ARHGAP11B: variants seen among roughly 807,000 people sequenced by gnomAD.
ARHGAP11B encodes Rho GTPase activating protein 11B, also known as inactive Rho GTPase-activating protein 11B.
A neutral mutation model predicts 27.6 loss-of-function variants in ARHGAP11B; 14 were observed. That is an observed-to-expected ratio of 0.51 (90% confidence interval 0.34 to 0.79). The LOEUF (loss-of-function observed/expected upper bound fraction) is 0.79, where lower values mean the gene tolerates loss of function less well. Ranked by LOEUF, ARHGAP11B falls within the 30% of genes least tolerant of loss-of-function variation. ARHGAP11B has a pLI of 0.02. For missense variants in ARHGAP11B, 245 were observed against 320.1 expected, an observed-to-expected ratio of 0.77 and a Z score of 1.79; for synonymous variants, 82 against 114.1, an observed-to-expected ratio of 0.72 and a Z score of 1.80.
intron 1 of ARHGAP11B, among the ~76,000 whole-genome samples, chr15:30,627,706 A>G (rs954717593): frequency 2.6e-5 from 4 of 152,056 alleles, no homozygotes; most frequent in Admixed American, 2.6e-4. Flanking sequence ...ATTGTGAAAA[A>G]TAAGCTGAAT....
chr15:30,633,480 T>C lies in ARHGAP11B; in HGVS notation c.201-10T>C. On this transcript the variant is annotated splice_polypyrimidine_tract_variant and intron_variant, in intron 2 of 10. Coordinates refer to ENST00000428041, the Ensembl canonical transcript of ARHGAP11B. ...GTATGTCTAGCCACCTGAAAAAATC[T>C]CTCTTTCAGCTTTCTTGTCGATGCT... 2 of 1,606,682 alleles carry C rather than the reference T, an allele frequency of 1.2e-6. No homozygotes were observed. Among genetic ancestry groups the C allele is most frequent in the Non-Finnish European group, 8.5e-7 (1 of 1,176,606 alleles).
chr15:30,643,994 G>C (rs2060330258), intron 7 of ARHGAP11B, among the ~76,000 whole-genome samples: 1 of 151,848 alleles, frequency 6.6e-6, no homozygotes, highest in Non-Finnish European at 1.5e-5. Context: ...TCCTTGAATG[G>C]AGTCTTCTCT....
chr15:30,630,145 G>C (rs560618939), intron 1 of ARHGAP11B, among the ~76,000 whole-genome samples: 2 of 152,084 alleles, frequency 1.3e-5, no homozygotes, highest in African/African-American at 4.8e-5. Context: ...CGCAGGGCAT[G>C]GTTTGAAAAG....
chr15:30,626,325 C>T (rs992118872), exon 1 of ARHGAP11B: 2 of 153,156 alleles, frequency 1.3e-5, no homozygotes, highest in African/African-American at 2.4e-5. Context: ...CCTGAGCAGC[C>T]GGCTGGTCCG....
intron 8 of ARHGAP11B, among the ~76,000 whole-genome samples, chr15:30,645,957 A>C (rs1318069572): frequency 6.6e-6 from 1 of 152,094 alleles, no homozygotes; most frequent in African/African-American, 2.4e-5. Flanking sequence ...TAGAAGGACA[A>C]ATAGAAGTAG....
chr15:30,641,063 C>T (rs1442576204), intron 7 of ARHGAP11B, among the ~76,000 whole-genome samples: 4 of 151,990 alleles, frequency 2.6e-5, no homozygotes, highest in Non-Finnish European at 5.9e-5. Flanking sequence ...GCTCCCAAAA[C>T]AGAGGTTAAA....
intron 2 of ARHGAP11B, among the ~76,000 whole-genome samples, chr15:30,632,600 C>G (rs2060253086): frequency 6.6e-6 from 1 of 151,342 alleles, no homozygotes; most frequent in South Asian, 2.1e-4. Flanking sequence ...ACCAATACAG[C>G]TGTATCAATT....
chr15:30,649,063 C>T (rs2060370080), exon 11 of ARHGAP11B: 1 of 152,036 alleles, frequency 6.6e-6, no homozygotes, highest in Non-Finnish European at 1.5e-5. Flanking sequence ...AACAGACATT[C>T]CAAATCATTT....
chr15:30,644,528 TAC>T, intron 7 of ARHGAP11B: 1 of 612,632 alleles, frequency 1.6e-6, no homozygotes, highest in African/African-American at 1.8e-5. Context: ...TAACAAATTT[TAC>T]ACATTCTTTT....
At chr15:30,637,737 A>C (rs2060289669) in intron 6 of ARHGAP11B, among the ~76,000 whole-genome samples, 4 of 151,838 alleles carry the variant, frequency 2.6e-5, no homozygotes, top group Admixed American at 6.6e-5. Context: ...CCGTCTCAAA[A>C]ATAAAAATTA....
chr15:30,636,879 A>T lies in ARHGAP11B; in HGVS notation c.*3+1246A>T, dbSNP rs2060283066. 1.3e-5 allele frequency among the ~76,000 whole-genome samples: 2 copies of T among 151,916 alleles called. 1 individual carries two copies. Among genetic ancestry groups the T allele is most frequent in the Non-Finnish European group, 2.9e-5 (2 of 67,956 alleles). On this transcript the variant is annotated intron_variant, in intron 6 of 10. Coordinates refer to ENST00000428041, the Ensembl canonical transcript of ARHGAP11B. ...ACTTCCCTCTTACAGGGCACATTGG[A>T]TTAGGGCCCACCCAAATGACCTCAT...
exon 5 of ARHGAP11B, chr15:30,635,122 A>C: frequency 6.2e-7 from 1 of 1,613,554 alleles, no homozygotes; most frequent in South Asian, 1.1e-5. Context: ...TTGCAGTAAT[A>C]TTTGCACCAA....
intron 3 of ARHGAP11B, 38 bp downstream of exon 3, chr15:30,633,624 C>T: frequency 6.4e-7 from 1 of 1,570,202 alleles, no homozygotes; most frequent in Middle Eastern, 1.7e-4. Context: ...TCATTTGAGC[C>T]ATTTTCTGAT....
chr15:30,638,631 A>T (rs935593378), intron 6 of ARHGAP11B, 115 bp from the exon 7 acceptor site: 11 of 549,050 alleles, frequency 2.0e-5, no homozygotes, highest in African/African-American at 4.0e-5. Flanking sequence ...AATAACTTAA[A>T]ATTTATAAGC....
chr15:30,633,163 G>A (rs1443028863), intron 2 of ARHGAP11B, among the ~76,000 whole-genome samples: 1 of 150,110 alleles, frequency 6.7e-6, no homozygotes, highest in Non-Finnish European at 1.5e-5. Context: ...TGATTGGATA[G>A]GGGTGAGTAG....
At chr15:30,638,333 C>T (rs940713769) in intron 6 of ARHGAP11B, among the ~76,000 whole-genome samples, 11 of 152,032 alleles carry the variant, frequency 7.2e-5, no homozygotes, top group Non-Finnish European at 1.0e-4. Context: ...TATTCATTTG[C>T]TTACATTATT....
chr15:30,627,321 C>T (rs1338464646), intron 1 of ARHGAP11B, among the ~76,000 whole-genome samples: 1 of 152,002 alleles, frequency 6.6e-6, no homozygotes, highest in Non-Finnish European at 1.5e-5. Flanking sequence ...TTAAAAATGT[C>T]TCCGGATATT....
chr15:30,646,394 A>G (rs909333922), intron 9 of ARHGAP11B: 2 of 201,872 alleles, frequency 9.9e-6, no homozygotes, highest in African/African-American at 4.7e-5. Context: ...CCATGAAAAA[A>G]CTGATTTATC....
At chr15:30,643,280 C>CTTTTTTTTTTTT (rs796664136) in intron 7 of ARHGAP11B, among the ~76,000 whole-genome samples, 1 of 133,946 alleles carries the variant, frequency 7.5e-6, no homozygotes, top group Non-Finnish European at 1.6e-5. Flanking sequence ...TGACAGTTTT[C>CTTTTTTTTTTTT]TTTTTTTTTT....
Sources: gnomAD v4.1 joint callset for allele counts (sites outside exome capture counted in the v4.1 genomes callset) on GRCh38, gnomAD v4.1.1 for gene constraint, MANE v1.5 for transcripts, NCBI Gene and HGNC (gene_info 2026-07-23, HGNC 2026-07-21) for gene names.